The following SCHIP1 variants were observed in gnomAD, a reference collection of about 807,000 sequenced individuals.
The protein encoded by SCHIP1 is schwannomin interacting protein 1.
A neutral mutation model predicts 29.7 loss-of-function variants in SCHIP1; 8 were observed. The observed-to-expected ratio is 0.27, with a 90% CI of 0.16 to 0.49. The LOEUF (loss-of-function observed/expected upper bound fraction) is 0.49. SCHIP1 is among the 20% of genes least tolerant of loss of function. The pLI is 0.99. For synonymous variants in SCHIP1, 76 were observed against 94.9 expected (o/e 0.80, Z 1.16); for missense variants, 193 against 294.6 (o/e 0.66, Z 2.52).
At chr3:159,665,010 A>C in the SCHIP1 span, among the ~76,000 whole-genome samples, 1 of 152,216 alleles carries the variant, frequency 6.6e-6, no homozygotes, top group Non-Finnish European at 1.5e-5. Flanking sequence ...GAAAACCAGG[A>C]GTGTAGACCG....
chr3:159,805,713 A>G, the SCHIP1 span, among the ~76,000 whole-genome samples: 4 of 152,108 alleles, frequency 2.6e-5, no homozygotes, highest in South Asian at 2.1e-4. Context: ...TGAGTAAACG[A>G]AAGACCCAAC....
At chr3:159,603,479 G>T in the SCHIP1 span, among the ~76,000 whole-genome samples, 1 of 152,140 alleles carries the variant, frequency 6.6e-6, no homozygotes, top group African/African-American at 2.4e-5. Context: ...CCAGTGACAA[G>T]CCTCCATCCT....
intron 6 of SCHIP1, among the ~76,000 whole-genome samples, chr3:159,895,734 C>T (rs1360132495): frequency 6.6e-6 from 1 of 152,182 alleles, no homozygotes; most frequent in Non-Finnish European, 1.5e-5. Flanking sequence ...TCACTCTTGT[C>T]ACCCAGGCTG....
the SCHIP1 span, among the ~76,000 whole-genome samples, chr3:159,634,496 G>A: frequency 2.0e-5 from 3 of 152,132 alleles, no homozygotes; most frequent in Non-Finnish European, 2.9e-5. Context: ...CAGTTTAGTC[G>A]TTGGTTTCAC....
the SCHIP1 span, among the ~76,000 whole-genome samples, chr3:159,577,474 T>C: frequency 6.6e-6 from 1 of 152,212 alleles, no homozygotes; most frequent in East Asian, 1.9e-4. Context: ...AAGATGCTGG[T>C]TATTGTAAGA....
chr3:159,579,302 T>C, the SCHIP1 span, among the ~76,000 whole-genome samples: 1 of 152,138 alleles, frequency 6.6e-6, no homozygotes, highest in Non-Finnish European at 1.5e-5. Flanking sequence ...AATTGGTAGA[T>C]GAGGGGTAAT....
chr3:159,508,608 G>C, the SCHIP1 span, among the ~76,000 whole-genome samples: 1 of 152,182 alleles, frequency 6.6e-6, no homozygotes, highest in Non-Finnish European at 1.5e-5. Flanking sequence ...GGCACTTAGT[G>C]CTGTAAATTT....
chr3:159,856,445 G>C (rs1018991421), intron 1 of SCHIP1, among the ~76,000 whole-genome samples: 1 of 152,038 alleles, frequency 6.6e-6, no homozygotes, highest in African/African-American at 2.4e-5. Flanking sequence ...CACGAGAGTT[G>C]TTTATGTGTA....
chr3:159,372,770 C>T, the SCHIP1 span, among the ~76,000 whole-genome samples: 1 of 151,968 alleles, frequency 6.6e-6, no homozygotes, highest in African/African-American at 2.4e-5. Context: ...GTAAAATTTA[C>T]ATGAAATTCT....
the SCHIP1 span, among the ~76,000 whole-genome samples, chr3:159,630,284 G>T: frequency 5.3e-5 from 8 of 152,040 alleles, no homozygotes; most frequent in African/African-American, 1.9e-4. Flanking sequence ...ATTCCACACT[G>T]TATGACCTCA....
At chr3:159,365,200 A>G in the SCHIP1 span, among the ~76,000 whole-genome samples, 1 of 152,168 alleles carries the variant, frequency 6.6e-6, no homozygotes, top group Admixed American at 6.6e-5. Context: ...GTCTCCTGAT[A>G]TGAAGTATAG....
the SCHIP1 span, among the ~76,000 whole-genome samples, chr3:159,588,523 A>C: frequency 6.6e-6 from 1 of 152,130 alleles, no homozygotes; most frequent in Non-Finnish European, 1.5e-5. Flanking sequence ...GCTGTTTTAG[A>C]CATGAAGTCC....
chr3:159,765,250 C>A, the SCHIP1 span: 1 of 1,275,788 alleles, frequency 7.8e-7, no homozygotes, highest in Non-Finnish European at 1.0e-6. Context: ...ATTCATTCTT[C>A]CTCGAGGGTG....
At chr3:159,827,367 T>C in the SCHIP1 span, among the ~76,000 whole-genome samples, 19 of 152,196 alleles carry the variant, frequency 1.2e-4, no homozygotes, top group African/African-American at 4.3e-4. Context: ...TTAGGGACCC[T>C]TGACAAATTT....
chr3:159,737,790 C>G, the SCHIP1 span, among the ~76,000 whole-genome samples: 15,237 of 152,098 alleles, frequency 0.1, 1,045 homozygotes, highest in African/African-American at 0.19. Flanking sequence ...TTGGCAGCAG[C>G]TGCCTGGAGC....
chr3:159,586,291 G>A, the SCHIP1 span, among the ~76,000 whole-genome samples: 1 of 152,156 alleles, frequency 6.6e-6, no homozygotes, highest in Non-Finnish European at 1.5e-5. Flanking sequence ...AGGTTGCTGG[G>A]CTATGTCCCC....
chr3:159,537,555 C>T, the SCHIP1 span, among the ~76,000 whole-genome samples: 4 of 152,086 alleles, frequency 2.6e-5, no homozygotes, highest in African/African-American at 9.7e-5. Flanking sequence ...TATTCCTATA[C>T]TAATCATCAC....
At chr3:159,648,020 G>T in the SCHIP1 span, among the ~76,000 whole-genome samples, 36 of 152,234 alleles carry the variant, frequency 2.4e-4, no homozygotes, top group East Asian at 6.6e-3. Context: ...CAAATGAGCT[G>T]AATCTGCCCA....
chr3:159,653,576 G>A, the SCHIP1 span, among the ~76,000 whole-genome samples: 4 of 150,018 alleles, frequency 2.7e-5, no homozygotes, highest in African/African-American at 9.9e-5. Flanking sequence ...ATCACATACA[G>A]GGGCCTGTTG....
Sources: allele counts gnomAD v4.1 joint callset (sites outside exome capture counted in the v4.1 genomes callset), GRCh38; gene constraint gnomAD v4.1.1; transcripts MANE v1.5; gene names NCBI Gene and HGNC (gene_info 2026-07-23, HGNC 2026-07-21).